LTBP1: variants seen among roughly 807,000 people sequenced by gnomAD.
The protein encoded by LTBP1 is latent-transforming growth factor beta-binding protein 1.
In LTBP1, 129 loss-of-function variants were observed where a neutral mutation model predicts 207.6. That is an observed-to-expected ratio of 0.62 (90% CI 0.54 to 0.72). LTBP1 has a LOEUF of 0.72. Ranked by LOEUF, LTBP1 falls within the 30% of genes least tolerant of loss-of-function variation. LTBP1 has a pLI of 0.00. For missense variants in LTBP1, 2,281 were observed against 2,217.2 expected (o/e 1.03, Z -0.58); for synonymous variants, 963 against 833.7 (o/e 1.16, Z -2.67).
At chr2:33,348,037 G>A (rs573296739) in intron 26 of LTBP1, among the ~76,000 whole-genome samples, 1 of 152,318 alleles carries the variant, frequency 6.6e-6, no homozygotes, top group South Asian at 2.1e-4. Flanking sequence ...TTTAGGCTGT[G>A]TCGTCACTGT....
chr2:32,964,146 A>G (rs1410117089), intron 2 of LTBP1, among the ~76,000 whole-genome samples: 6 of 152,208 alleles, frequency 3.9e-5, no homozygotes, highest in African/African-American at 1.4e-4. Context: ...CCTTGGGGTC[A>G]TGCTGACTCC....
chr2:33,274,381 G>A (rs2093383017), intron 16 of LTBP1, among the ~76,000 whole-genome samples: 1 of 151,042 alleles, frequency 6.6e-6, no homozygotes, highest in South Asian at 2.1e-4. Flanking sequence ...TAAATTATGA[G>A]GCCAATAGGA....
chr2:32,956,790 T>C (rs995112334), intron 2 of LTBP1, among the ~76,000 whole-genome samples: 6 of 147,626 alleles, frequency 4.1e-5, no homozygotes, highest in Admixed American at 6.8e-5. Context: ...TATAGCCTTA[T>C]GAAATGTATT....
intron 3 of LTBP1, among the ~76,000 whole-genome samples, chr2:33,031,102 T>G (rs565135846): frequency 6.6e-6 from 1 of 152,216 alleles, no homozygotes; most frequent in Non-Finnish European, 1.5e-5. Flanking sequence ...TCTGGTTTTT[T>G]TTATGCTCAA....
intron 2 of LTBP1, among the ~76,000 whole-genome samples, chr2:32,974,247 C>G (rs910733846): frequency 2.0e-5 from 3 of 152,162 alleles, no homozygotes; most frequent in Admixed American, 6.5e-5. Flanking sequence ...TTCTCTACAT[C>G]CTTGTCAGCA....
At position 33,389,322 on chromosome 2, in the gene LTBP1, T is replaced by G; in HGVS notation, c.4834+16T>G. 4.3e-6 allele frequency: 7 copies of G among 1,613,788 alleles called. No homozygotes were observed. Among genetic ancestry groups the G allele is most frequent in the Non-Finnish European group, 5.9e-6 (7 of 1,179,814 alleles). On this transcript the variant is annotated intron_variant, in intron 32 of 33. Transcript: ENST00000404816. ...ATCCAAGACCGTAAGCAAAATAACC[T>G]TGTTCCTTTGATACTAAGTTGTGGT...
At chr2:33,099,941 C>T (rs1030938956) in intron 3 of LTBP1, among the ~76,000 whole-genome samples, 6 of 152,126 alleles carry the variant, frequency 3.9e-5, no homozygotes, top group Admixed American at 2.6e-4. Context: ...AATTAGCATC[C>T]GAAACCAAAA....
At chr2:33,286,434 A>C (rs886886336) in intron 19 of LTBP1, among the ~76,000 whole-genome samples, 9 of 152,224 alleles carry the variant, frequency 5.9e-5, no homozygotes, top group African/African-American at 1.9e-4. Flanking sequence ...GTTAACTTTC[A>C]TGGCTTATAT....
chr2:33,180,978 CAA>C (rs1246653314), intron 5 of LTBP1, among the ~76,000 whole-genome samples: 1 of 114,448 alleles, frequency 8.7e-6, no homozygotes, highest in East Asian at 2.3e-4. Flanking sequence ...GTGGGAAAGT[CAA>C]ATCAAAATCA....
chr2:33,137,714 GT>G (rs2082260395), intron 5 of LTBP1, among the ~76,000 whole-genome samples: 1 of 152,212 alleles, frequency 6.6e-6, no homozygotes, highest in African/African-American at 2.4e-5. Context: ...TTGTTTGTTT[GT>G]TTGTTTGTTT....
At chr2:33,232,270 G>C (rs2091834217) in intron 9 of LTBP1, among the ~76,000 whole-genome samples, 1 of 152,136 alleles carries the variant, frequency 6.6e-6, no homozygotes, top group African/African-American at 2.4e-5. Flanking sequence ...AGCTAAAACT[G>C]GACAATGCAG....
chr2:33,336,788 A>T (rs916754615), intron 24 of LTBP1, among the ~76,000 whole-genome samples: 4 of 152,222 alleles, frequency 2.6e-5, no homozygotes, highest in African/African-American at 9.7e-5. Context: ...AACTAAGAAG[A>T]AGCACTTTCC....
At chr2:33,391,685 C>T (rs988444801) in intron 32 of LTBP1, among the ~76,000 whole-genome samples, 2 of 152,182 alleles carry the variant, frequency 1.3e-5, no homozygotes, top group Admixed American at 6.5e-5. Flanking sequence ...CTGATGGGTC[C>T]TGAGAGTCTA....
At chr2:33,293,072 A>C in intron 19 of LTBP1, 88 bp from the exon 20 acceptor site, 1 of 1,361,374 alleles carries the variant, frequency 7.3e-7, no homozygotes. Flanking sequence ...CTGAAGGTCT[A>C]CTGTTTCCAT....
At chr2:33,048,642 C>G (rs902866167) in intron 3 of LTBP1, among the ~76,000 whole-genome samples, 1 of 152,218 alleles carries the variant, frequency 6.6e-6, no homozygotes, top group African/African-American at 2.4e-5. Flanking sequence ...TTCCTGTGGT[C>G]CAGATGCCAG....
At chr2:33,346,865 C>A (rs527251208) in intron 25 of LTBP1, among the ~76,000 whole-genome samples, 5 of 152,140 alleles carry the variant, frequency 3.3e-5, no homozygotes, top group Admixed American at 2.6e-4. Context: ...GCCTGTAATC[C>A]CAGCACTTTT....
At chr2:33,249,112 C>T (rs992095512) in intron 10 of LTBP1, among the ~76,000 whole-genome samples, 1 of 152,106 alleles carries the variant, frequency 6.6e-6, no homozygotes, top group African/African-American at 2.4e-5. Flanking sequence ...TGATTGCAGA[C>T]TAGTAAGGTT....
intron 18 of LTBP1, among the ~76,000 whole-genome samples, chr2:33,279,459 C>T (rs1214698043): frequency 6.6e-6 from 1 of 151,768 alleles, no homozygotes; most frequent in Non-Finnish European, 1.5e-5. Flanking sequence ...GTCATATCAC[C>T]GTGTTTTCTG....
intron 14 of LTBP1, 31 bp from the exon 15 acceptor site, chr2:33,263,263 T>C: frequency 7.1e-7 from 1 of 1,407,552 alleles, no homozygotes; most frequent in African/African-American, 1.4e-5. Flanking sequence ...CGGGCTTTAA[T>C]TTTCTTTTTA....
Sources: allele counts gnomAD v4.1 joint callset (sites outside exome capture counted in the v4.1 genomes callset), GRCh38; gene constraint gnomAD v4.1.1; transcripts MANE v1.5; gene names NCBI Gene and HGNC (gene_info 2026-07-23, HGNC 2026-07-21).